Variants in SEMA4F observed in about 807,000 individuals in gnomAD.
The protein encoded by SEMA4F is ssemaphorin 4F.
A neutral mutation model predicts 78.4 loss-of-function variants in SEMA4F; 51 were observed. The ratio of observed to expected loss-of-function variants is 0.65; its 90% CI spans 0.52 to 0.82. The LOEUF is 0.82. Among genes scored for constraint, SEMA4F ranks in the 40% least tolerant of loss-of-function variants. The pLI, the probability that SEMA4F is intolerant of heterozygous loss-of-function variation, is 0.00. For synonymous variants in SEMA4F, 418 were observed against 408.7 expected (o/e 1.02, Z -0.27); for missense variants, 938 against 1,014.4 (o/e 0.92, Z 1.02).
In SEMA4F at chr2:74,680,079, T is replaced by A; in HGVS notation, c.2183T>A (p.Leu728Gln). The A allele has an allele frequency of 1.9e-6, 3 of 1,614,082 alleles. No homozygotes were observed. Among genetic ancestry groups the A allele is most frequent in the Non-Finnish European group, 2.5e-6 (3 of 1,179,904 alleles). Residue 728 changes from leucine to glutamine, a missense_variant, in exon 14 of 14, where the codon CTG (leucine) becomes CAG (glutamine). By Grantham distance (113) the Leu-to-Gln change is moderately radical (BLOSUM62 -2). Coordinates refer to ENST00000357877, the MANE Select transcript of SEMA4F (RefSeq NM_004263.5). ...TCTCCTGAAGATGAGCGGTTGCCGC[T>A]GGCCCTGGCCAAGAGGGGCAGTGGC... ...SPSPEDERLP[L>Q]ALAKRGSGFG...
rs1234323299 is a variant in SEMA4F, at chr2:74,682,667, T to C, written c.*2458T>C. 2 of 152,240 alleles carry C rather than the reference T, an allele frequency of 1.3e-5. No individual in the cohort carries two copies. Among genetic ancestry groups the C allele is most frequent in the Admixed American group, 1.3e-4 (2 of 15,288 alleles). The allele number at this position is 152,240 out of a possible 1,614,324, so 9.4% of individuals were successfully genotyped here. A position where few individuals can be genotyped will look rare whatever the true frequency, so the allele number is the denominator to read the frequency against. On this transcript the variant is annotated 3_prime_UTR_variant, in exon 14 of 14. Transcript: ENST00000357877. ...TTCTTTGGTTTACCCTCAGCCTATC[T>C]TTCAACCCCACTCACTTGAGGTTGT...
the SEMA4F span, among the ~76,000 whole-genome samples, chr2:74,692,351 A>T: frequency 2.6e-5 from 4 of 152,212 alleles, no homozygotes; most frequent in Non-Finnish European, 2.9e-5. Flanking sequence ...GCTGTCTGAA[A>T]TACAAGGCAG....
the SEMA4F span, among the ~76,000 whole-genome samples, chr2:74,693,854 C>G: frequency 1.3e-5 from 2 of 152,074 alleles, no homozygotes; most frequent in Non-Finnish European, 2.9e-5. Flanking sequence ...GTTTATTCAA[C>G]CAGTTCCCAG....
chr2:74,655,412 C>G, intron 1 of SEMA4F: 1 of 236,640 alleles, frequency 4.2e-6, no homozygotes, highest in Non-Finnish European at 9.7e-6. Flanking sequence ...GGCCGTGGAC[C>G]TTGTTGTCTT....
At chr2:74,684,692 G>A (rs113847338), downstream of SEMA4F, among the ~76,000 whole-genome samples, 1,183 of 152,254 alleles carry the variant, frequency 7.8e-3, 13 homozygotes, top group African/African-American at 0.026. Flanking sequence ...GGGTCAGCGC[G>A]GTGGCTCACA....
the SEMA4F span, among the ~76,000 whole-genome samples, chr2:74,707,763 A>G: frequency 6.6e-6 from 1 of 152,176 alleles, no homozygotes; most frequent in Non-Finnish European, 1.5e-5. Flanking sequence ...TGGAACCCAG[A>G]TGGAGCCTGG....
Sources: gnomAD v4.1 joint callset for allele counts (sites outside exome capture counted in the v4.1 genomes callset) on GRCh38, gnomAD v4.1.1 for gene constraint, MANE v1.5 for transcripts, NCBI Gene and HGNC (gene_info 2026-07-23, HGNC 2026-07-21) for gene names.